Variants in GRIK1 observed in about 807,000 individuals in gnomAD.
GRIK1 encodes glutamate receptor ionotropic, kainate 1.
Under a neutral mutation model 105.7 loss-of-function variants are expected in GRIK1, and 69 were observed. The observed-to-expected ratio is 0.65, with a 90% confidence interval of 0.54 to 0.80. GRIK1 has a LOEUF of 0.80. Among genes scored for constraint, GRIK1 ranks in the 30% least tolerant of loss-of-function variants. The pLI, the probability that GRIK1 is intolerant of heterozygous loss-of-function variation, is 0.00. For missense variants in GRIK1, 1,109 were observed against 1,167.3 expected, an observed-to-expected ratio of 0.95 and a Z score of 0.73; for synonymous variants, 438 against 431.3, an observed-to-expected ratio of 1.02 and a Z score of -0.19.
intron 1 of GRIK1, among the ~76,000 whole-genome samples, chr21:29,885,104 T>G (rs540688120): frequency 6.6e-6 from 1 of 152,166 alleles, no homozygotes; most frequent in East Asian, 1.9e-4. Context: ...TTATGCATAT[T>G]TATTGAGCAA....
intron 5 of GRIK1, 27 bp from the exon 6 acceptor site, chr21:29,651,318 T>A: frequency 6.8e-7 from 1 of 1,480,312 alleles, no homozygotes. Context: ...AGGATAACAG[T>A]GGAAAATAAT....
chr21:29,560,365 C>CTTTTTTTTTT (rs1568813612), intron 15 of GRIK1, among the ~76,000 whole-genome samples: 3 of 16,150 alleles, frequency 1.9e-4, no homozygotes, highest in Admixed American at 1.4e-3. Flanking sequence ...CTTTTTCTTT[C>CTTTTTTTTTT]TTCCTTCCTT....
chr21:29,673,592 G>A (rs2063201261), intron 3 of GRIK1, among the ~76,000 whole-genome samples: 1 of 152,092 alleles, frequency 6.6e-6, no homozygotes, highest in African/African-American at 2.4e-5. Flanking sequence ...ACTTCTGTAA[G>A]CCTTTTATTA....
intron 1 of GRIK1, among the ~76,000 whole-genome samples, chr21:29,925,316 G>T (rs1050646334): frequency 2.0e-5 from 3 of 152,058 alleles, no homozygotes; most frequent in Admixed American, 1.3e-4. Context: ...CAATTCAGCC[G>T]CAGATACAAT....
At chr21:29,846,684 C>T (rs1394213804) in intron 1 of GRIK1, among the ~76,000 whole-genome samples, 1 of 145,042 alleles carries the variant, frequency 6.9e-6, no homozygotes, top group Non-Finnish European at 1.5e-5. Flanking sequence ...GGAAAATCTG[C>T]ACTCTGCTTA....
At chr21:29,619,268 C>T (rs1248075962) in intron 7 of GRIK1, among the ~76,000 whole-genome samples, 1 of 151,928 alleles carries the variant, frequency 6.6e-6, no homozygotes, top group Non-Finnish European at 1.5e-5. Context: ...GAAACCTCGT[C>T]TCTGCTAAAA....
At chr21:29,645,760 G>T (rs770002666) in intron 6 of GRIK1, among the ~76,000 whole-genome samples, 1 of 152,114 alleles carries the variant, frequency 6.6e-6, no homozygotes, top group African/African-American at 2.4e-5. Flanking sequence ...ATAGAAACTG[G>T]CCTGTGTTCA....
At chr21:29,590,231 A>G (rs2061313231) in intron 10 of GRIK1, among the ~76,000 whole-genome samples, 1 of 152,260 alleles carries the variant, frequency 6.6e-6, no homozygotes, top group Non-Finnish European at 1.5e-5. Flanking sequence ...AGAAAGTAGT[A>G]ACCAGAAGAG....
intron 7 of GRIK1, among the ~76,000 whole-genome samples, chr21:29,629,674 A>G (rs1295652499): frequency 6.6e-6 from 1 of 152,010 alleles, no homozygotes; most frequent in African/African-American, 2.4e-5. Flanking sequence ...TGTTTTCAGT[A>G]GAGACAGGGT....
At chr21:29,641,292 C>T (rs540197093) in intron 7 of GRIK1, among the ~76,000 whole-genome samples, 97 of 152,216 alleles carry the variant, frequency 6.4e-4, no homozygotes, top group South Asian at 1.0e-3. Flanking sequence ...GGCAAGTCTT[C>T]CCATGCTGTT....
At chr21:29,619,680 A>T (rs2061942465) in intron 7 of GRIK1, among the ~76,000 whole-genome samples, 1 of 152,104 alleles carries the variant, frequency 6.6e-6, no homozygotes, top group Non-Finnish European at 1.5e-5. Flanking sequence ...AAAAGGAAAA[A>T]CTCATATTCA....
At chr21:29,691,894 A>G (rs2063590803) in intron 2 of GRIK1, among the ~76,000 whole-genome samples, 1 of 152,224 alleles carries the variant, frequency 6.6e-6, no homozygotes, top group Admixed American at 6.5e-5. Flanking sequence ...GAACTACTGC[A>G]TTAACTACGA....
intron 1 of GRIK1, among the ~76,000 whole-genome samples, chr21:29,803,397 G>A (rs192542286): frequency 1.3e-5 from 2 of 152,256 alleles, no homozygotes; most frequent in East Asian, 1.9e-4. Context: ...ATAAGCAAAT[G>A]AACATGTCAC....
intron 1 of GRIK1, among the ~76,000 whole-genome samples, chr21:29,761,055 C>A (rs142787076): frequency 1.3e-5 from 2 of 152,166 alleles, no homozygotes; most frequent in East Asian, 1.9e-4. Context: ...ACCCTGTCCT[C>A]GGTAATCTAT....
intron 1 of GRIK1, among the ~76,000 whole-genome samples, chr21:29,726,435 C>A (rs1038487216): frequency 1.3e-5 from 2 of 152,136 alleles, no homozygotes; most frequent in African/African-American, 4.8e-5. Flanking sequence ...TGAGCTTCAA[C>A]ATGTACTTTT....
intron 1 of GRIK1, among the ~76,000 whole-genome samples, chr21:29,937,129 A>G (rs1479403353): frequency 6.6e-6 from 1 of 152,170 alleles, no homozygotes; most frequent in Non-Finnish European, 1.5e-5. Context: ...CTTAGTCCCC[A>G]ACCCCTTTTT....
At chr21:29,795,615 T>G (rs1456163385) in intron 1 of GRIK1, among the ~76,000 whole-genome samples, 1 of 152,208 alleles carries the variant, frequency 6.6e-6, no homozygotes, top group Non-Finnish European at 1.5e-5. Flanking sequence ...TTATAATAGT[T>G]TCTCAGATGC....
chr21:29,694,673 G>A (rs1401807342), intron 1 of GRIK1, among the ~76,000 whole-genome samples: 1 of 152,170 alleles, frequency 6.6e-6, no homozygotes, highest in Non-Finnish European at 1.5e-5. Flanking sequence ...GGCAGAGGAC[G>A]ATTTTCTGTG....
chr21:29,646,000 GAGA>G (rs763034389), intron 6 of GRIK1, among the ~76,000 whole-genome samples: 19 of 152,188 alleles, frequency 1.2e-4, no homozygotes, highest in Admixed American at 2.6e-4. Flanking sequence ...ACATTCCAAA[GAGA>G]AGATTGGCCC....
Sources: allele counts gnomAD v4.1 joint callset (sites outside exome capture counted in the v4.1 genomes callset), GRCh38; gene constraint gnomAD v4.1.1; transcripts MANE v1.5; gene names NCBI Gene and HGNC (gene_info 2026-07-23, HGNC 2026-07-21).